The following SMARCA2 variants were observed in gnomAD, a reference collection of about 807,000 sequenced individuals.
SMARCA2 encodes SWI/SNF related BAF chromatin remodeling complex subunit ATPase 2.
Under a neutral mutation model 199.8 loss-of-function variants are expected in SMARCA2, and 61 were observed. That is an observed-to-expected ratio of 0.31 (90% CI 0.25 to 0.38). The LOEUF (loss-of-function observed/expected upper bound fraction) is 0.38, where lower values mean the gene tolerates loss of function less well. Ranked by LOEUF, SMARCA2 falls within the 10% of genes least tolerant of loss-of-function variation. The pLI is 1.00. For missense variants in SMARCA2, 1,344 were observed against 2,012.2 expected, an observed-to-expected ratio of 0.67 and a Z score of 6.35; for synonymous variants, 935 against 732.0, an observed-to-expected ratio of 1.28 and a Z score of -4.48.
chr9:2,182,478 CTTTTTTTTTTTTTTTTT>C (rs145095906), intron 31 of SMARCA2, among the ~76,000 whole-genome samples: 2 of 96,732 alleles, frequency 2.1e-5, no homozygotes, highest in Non-Finnish European at 4.0e-5. Flanking sequence ...AGCTTATAGT[CTTTTTTTTTTTTTTTTT>C]TTTTTTTTTT....
chr9:2,067,891 G>T lies in SMARCA2; in HGVS notation c.1693-2527G>T, dbSNP rs183285951. Among the ~76,000 whole-genome samples the T allele has an allele frequency of 1.1e-3, 175 of 152,316 alleles. 2 individuals are homozygous for T. The highest frequency in any genetic ancestry group is 2.1e-3 in the Non-Finnish European group (141 of 68,018). On this transcript the variant is annotated intron_variant, in intron 9 of 33. Coordinates refer to ENST00000349721, the MANE Select transcript of SMARCA2 (RefSeq NM_003070.5). ...TAGTCTATAGGACATTCATAGGAAA[G>T]TATCCTTCAGAATAGTTTTGATTAT...
intron 9 of SMARCA2, among the ~76,000 whole-genome samples, chr9:2,069,477 T>A (rs1343289661): frequency 6.7e-6 from 1 of 150,014 alleles, no homozygotes; most frequent in African/African-American, 2.5e-5. Flanking sequence ...GAGAATGGCG[T>A]GAACACGGGA....
intron 26 of SMARCA2, among the ~76,000 whole-genome samples, chr9:2,122,381 C>T (rs1000023092): frequency 2.0e-5 from 3 of 152,092 alleles, no homozygotes; most frequent in African/African-American, 7.2e-5. Flanking sequence ...CCTCACGAAG[C>T]CCCTCTTTAG....
intron 30 of SMARCA2, among the ~76,000 whole-genome samples, chr9:2,181,888 TCCCTGCTCC>T (rs1827053866): frequency 6.6e-6 from 1 of 152,168 alleles, no homozygotes; most frequent in African/African-American, 2.4e-5. Flanking sequence ...GCTTTCAGGC[TCCCTGCTCC>T]CCCTGCCCAC....
At chr9:2,045,203 T>A (rs1819785492) in intron 4 of SMARCA2, 1 of 152,252 alleles carries the variant, frequency 6.6e-6, no homozygotes, top group South Asian at 2.1e-4. Context: ...TCTTCCGATA[T>A]TATCAGTAAG....
chr9:2,058,672 C>T (rs780403729), intron 8 of SMARCA2, among the ~76,000 whole-genome samples: 25 of 152,072 alleles, frequency 1.6e-4, no homozygotes, highest in Non-Finnish European at 2.8e-4. Context: ...ATGACTGATG[C>T]GTATAGTATT....
intron 29 of SMARCA2, among the ~76,000 whole-genome samples, chr9:2,180,469 T>C (rs1826946926): frequency 1.3e-5 from 2 of 152,242 alleles, no homozygotes; most frequent in Admixed American, 1.3e-4. Context: ...TTGTCACTCA[T>C]GCTTTGCCAC....
In SMARCA2 at chr9:2,039,378, C is replaced by T; in HGVS notation, c.356-88C>T. The T allele has an allele frequency of 8.0e-7, 1 of 1,255,218 alleles. No individual in the cohort carries two copies. The highest frequency in any genetic ancestry group is 1.1e-6 in the Non-Finnish European group (1 of 896,708). 77.8% of individuals were successfully genotyped at this position (1,255,218 alleles called of 1,614,324 possible). On this transcript the variant is annotated intron_variant, in intron 3 of 33. Coordinates refer to ENST00000349721, the MANE Select transcript of SMARCA2 (RefSeq NM_003070.5). This position sits in a 1 kb window ranked among gnomAD's most constrained non-coding sequence, Gnocchi z 4.8. ...TTCAAATTTCTGTCAGACAGTGTTG[C>T]TGTGGACAATTATTAGAGTATTCAG...
chr9:2,162,818 T>C (rs1171285708), intron 28 of SMARCA2: 2 of 152,168 alleles, frequency 1.3e-5, no homozygotes, highest in African/African-American at 2.4e-5. Flanking sequence ...GTGGAGTGGA[T>C]GAAGCAAGCT....
intron 26 of SMARCA2, among the ~76,000 whole-genome samples, chr9:2,122,673 T>TATTTCATTTC (rs1258971354): frequency 6.6e-6 from 1 of 152,246 alleles, no homozygotes; most frequent in African/African-American, 2.4e-5. Context: ...TTTGCGTAGA[T>TATTTCATTTC]ATTTCATTTA....
At chr9:2,063,112 C>T (rs1820676039) in intron 9 of SMARCA2, among the ~76,000 whole-genome samples, 2 of 152,112 alleles carry the variant, frequency 1.3e-5, no homozygotes, top group African/African-American at 2.4e-5. Context: ...AGCATTTGTG[C>T]CCTCAGCAGG....
chr9:2,043,426 TTTTTCTTTTCATTTTGATTCAC>T (rs1280760183), intron 4 of SMARCA2: 4 of 152,314 alleles, frequency 2.6e-5, no homozygotes, highest in African/African-American at 9.6e-5. Context: ...TAACCCATCA[TTTTTCTTTTCATTTTGATTCAC>T]TTTTCCTTTC....
intron 27 of SMARCA2, among the ~76,000 whole-genome samples, chr9:2,144,003 G>A (rs1325654576): frequency 6.6e-6 from 1 of 151,978 alleles, no homozygotes; most frequent in Non-Finnish European, 1.5e-5. Context: ...CTCACAGGAG[G>A]ATGATTACCC....
chr9:2,149,502 A>T (rs1824944652), intron 27 of SMARCA2, among the ~76,000 whole-genome samples: 1 of 151,594 alleles, frequency 6.6e-6, no homozygotes, highest in African/African-American at 2.4e-5. Context: ...CCTGGGCGAC[A>T]GAGTGAGACT....
At chr9:2,095,088 ATT>A (rs773120638) in intron 19 of SMARCA2, among the ~76,000 whole-genome samples, 6 of 144,900 alleles carry the variant, frequency 4.1e-5, no homozygotes, top group Non-Finnish European at 3.0e-5. Flanking sequence ...AAAAATTAGA[ATT>A]TTTTTTTTTT....
intron 9 of SMARCA2, among the ~76,000 whole-genome samples, chr9:2,064,720 C>A (rs577137152): frequency 6.6e-6 from 1 of 152,222 alleles, no homozygotes; most frequent in African/African-American, 2.4e-5. Flanking sequence ...TAAACTCTGC[C>A]TACCACCCTG....
chr9:2,031,648 C>T (rs1432285299), intron 2 of SMARCA2, among the ~76,000 whole-genome samples: 1 of 151,936 alleles, frequency 6.6e-6, no homozygotes, highest in South Asian at 2.1e-4. Flanking sequence ...TTCTCTCTAC[C>T]CTCTTAAATA....
rs1051465461 is a variant in SMARCA2, at chr9:2,086,223, C to G, written c.2527-606C>G. 1 of 153,056 alleles carries G rather than the reference C, an allele frequency of 6.5e-6. No individual in the cohort carries two copies. The allele number at this position is 153,056 out of a possible 1,614,324, so 9.5% of individuals were successfully genotyped here. On this transcript the variant is annotated intron_variant, in intron 17 of 33. Coordinates refer to ENST00000349721, the MANE Select transcript of SMARCA2 (RefSeq NM_003070.5). The surrounding 1 kb of genome is among the most constrained non-coding windows in gnomAD (Gnocchi z 4.3). ...CCTAATTTTTGAAAAGCCGTATGTA[C>G]AAATTTAATGTGAAATAGTCCAACT...
intron 29 of SMARCA2, among the ~76,000 whole-genome samples, chr9:2,179,998 C>T (rs986131067): frequency 1.3e-5 from 2 of 152,114 alleles, no homozygotes; most frequent in South Asian, 2.1e-4. Flanking sequence ...AATTGTGGCC[C>T]TGTGTTGAAG....
Sources: gnomAD v4.1 joint callset for allele counts (sites outside exome capture counted in the v4.1 genomes callset) on GRCh38, gnomAD v4.1.1 for gene constraint, Gnocchi (gnomAD v3.1) non-coding constraint, MANE v1.5 for transcripts, NCBI Gene and HGNC (gene_info 2026-07-23, HGNC 2026-07-21) for gene names.